Variants in SEC23B observed in about 807,000 individuals in gnomAD.
SEC23B encodes the protein protein transport protein Sec23B.
A neutral mutation model predicts 104.3 loss-of-function variants in SEC23B; 77 were observed. The observed-to-expected ratio is 0.74, with a 90% CI of 0.61 to 0.89. The LOEUF (loss-of-function observed/expected upper bound fraction) is 0.89. Among genes scored for constraint, SEC23B ranks in the 40% least tolerant of loss-of-function variants. SEC23B has a pLI of 0.00. For missense variants in SEC23B, 885 were observed against 949.4 expected (o/e 0.93, Z 0.89); for synonymous variants, 338 against 332.5 (o/e 1.02, Z -0.18).
chr20:18,516,534 CTT>C (rs145877490), intron 4 of SEC23B, among the ~76,000 whole-genome samples: 1 of 142,730 alleles, frequency 7.0e-6, no homozygotes. Context: ...TTTTTGGGCT[CTT>C]TTTTTTTTCT....
At chr20:18,517,891 T>C (rs2148891221) in intron 4 of SEC23B, among the ~76,000 whole-genome samples, 1 of 152,352 alleles carries the variant, frequency 6.6e-6, no homozygotes, top group East Asian at 1.9e-4. Flanking sequence ...GGACTAAGAA[T>C]TGGGAGGACC....
intron 18 of SEC23B, among the ~76,000 whole-genome samples, chr20:18,554,832 A>AAAG (rs1353341612): frequency 1.3e-5 from 2 of 151,900 alleles, no homozygotes; most frequent in Non-Finnish European, 2.9e-5. Flanking sequence ...GTCTCAAAAA[A>AAAG]AAAAAAAAAA....
At chr20:18,554,703 T>A (rs2060419525) in intron 18 of SEC23B, among the ~76,000 whole-genome samples, 1 of 151,952 alleles carries the variant, frequency 6.6e-6, no homozygotes, top group Admixed American at 6.6e-5. Flanking sequence ...GGCGGGCACC[T>A]GTAGTCCCAG....
chr20:18,517,982 G>A (rs1235317202), intron 4 of SEC23B, among the ~76,000 whole-genome samples: 2 of 152,274 alleles, frequency 1.3e-5, no homozygotes, highest in East Asian at 3.9e-4. Flanking sequence ...CTCTATTCTT[G>A]ACAGAGTCCT....
At chr20:18,510,682 C>T in intron 1 of SEC23B, 140 bp from the exon 2 acceptor site, 1 of 689,346 alleles carries the variant, frequency 1.5e-6, no homozygotes. Context: ...AGGAGAATCG[C>T]TTGAACCCGG....
In SEC23B at chr20:18,543,076, T is replaced by G; in HGVS notation, c.1569T>G (p.Ala523=). The G allele has an allele frequency of 6.2e-7, 1 of 1,614,150 alleles. No individual in the cohort carries two copies. Among genetic ancestry groups the G allele is most frequent in the East Asian group, 2.2e-5 (1 of 44,880 alleles). ...RHIEAAFDQE[A]AAVLMARLGV... ...TAGAAGCAGCATTTGACCAGGAGGC[T>G]GCGGCAGTGTTGATGGCACGGCTTG... Residue 523 remains alanine (A), a synonymous_variant, in exon 14 of 20, where the codon GCT becomes GCG. Coordinates refer to ENST00000650089, the MANE Select transcript of SEC23B (RefSeq NM_006363.6).
At chr20:18,546,089 A>C (rs2060329130) in intron 15 of SEC23B, 56 bp downstream of exon 15, 3 of 1,011,620 alleles carry the variant, frequency 3.0e-6, no homozygotes, top group Non-Finnish European at 4.7e-6. Flanking sequence ...GATAGAAATT[A>C]ACTTTATTCT....
intron 6 of SEC23B, among the ~76,000 whole-genome samples, chr20:18,525,344 G>GCTAA (rs2060124777): frequency 6.6e-6 from 1 of 152,186 alleles, no homozygotes; most frequent in Non-Finnish European, 1.5e-5. Context: ...CCTAGACTGA[G>GCTAA]CTAACAAGCT....
chr20:18,542,489 T>A, intron 13 of SEC23B, 87 bp downstream of exon 13: 1 of 1,258,750 alleles, frequency 7.9e-7, no homozygotes, highest in East Asian at 2.3e-5. Flanking sequence ...AGTTTGTCTT[T>A]TTGATTCCAT....
intron 16 of SEC23B, 103 bp from the exon 17 acceptor site, chr20:18,550,986 C>T (rs2060382207): frequency 1.3e-6 from 1 of 779,516 alleles, no homozygotes; most frequent in Non-Finnish European, 2.3e-6. Flanking sequence ...TTGTAAATAG[C>T]CTTTGCTGTG....
chr20:18,513,926 C>T lies in SEC23B; in HGVS notation c.279+1644C>T, dbSNP rs116037685. On this transcript the variant is annotated intron_variant, in intron 3 of 19. Coordinates refer to ENST00000650089, the MANE Select transcript of SEC23B (RefSeq NM_006363.6). ...TGGGTAGGTCACTTAACTGCCTGTG[C>T]CTCAACTTCCTTGTCTTTAAAATTA... 3.4e-3 allele frequency among the ~76,000 whole-genome samples: 516 copies of T among 152,278 alleles called. 2 individuals carry two copies. The highest frequency in any genetic ancestry group is 0.012 in the African/African-American group (484 of 41,542).
chr20:18,512,191 T>G, intron 2 of SEC23B, 34 bp from the exon 3 acceptor site: 1 of 1,307,440 alleles, frequency 7.6e-7, no homozygotes, highest in Non-Finnish European at 1.1e-6. Flanking sequence ...AAAATAAAAG[T>G]GGTACCTACT....
intron 18 of SEC23B, among the ~76,000 whole-genome samples, chr20:18,554,846 G>A (rs563507498): frequency 2.7e-5 from 4 of 150,752 alleles, no homozygotes; most frequent in African/African-American, 9.7e-5. Context: ...AAAAAAATGA[G>A]TGGTCAAAAT....
intron 19 of SEC23B, among the ~76,000 whole-genome samples, chr20:18,556,218 C>T (rs1393722800): frequency 6.6e-6 from 1 of 152,124 alleles, no homozygotes; most frequent in Non-Finnish European, 1.5e-5. Context: ...GGCCTGGTTC[C>T]TAACAGGCCA....
At chr20:18,546,647 T>G (rs2060335457) in intron 15 of SEC23B, among the ~76,000 whole-genome samples, 1 of 152,176 alleles carries the variant, frequency 6.6e-6, no homozygotes, top group South Asian at 2.1e-4. Flanking sequence ...GTATTAAATA[T>G]TTAGCACAAT....
intron 19 of SEC23B, among the ~76,000 whole-genome samples, chr20:18,557,391 C>G (rs1433153915): frequency 6.6e-6 from 1 of 152,126 alleles, no homozygotes; most frequent in Non-Finnish European, 1.5e-5. Context: ...CCTCCCACCT[C>G]AGCCTCCCAA....
At chr20:18,519,445 T>C (rs1225447520) in intron 4 of SEC23B, among the ~76,000 whole-genome samples, 1 of 152,218 alleles carries the variant, frequency 6.6e-6, no homozygotes, top group African/African-American at 2.4e-5. Context: ...TTTGAGGGTC[T>C]CTAAAAGTAT....
rs538999266 is a variant in SEC23B, at chr20:18,525,085, G to C, written c.689+65G>C. The C allele has an allele frequency of 4.5e-5, 60 of 1,343,394 alleles. No individual in the cohort carries two copies. In the African/African-American group the frequency reaches 8.0e-4, roughly 18 times the overall value. The allele number at this position is 1,343,394 out of a possible 1,614,324, so 83.2% of individuals were successfully genotyped here. A position where few individuals can be genotyped will look rare whatever the true frequency, so the allele number is the denominator to read the frequency against. ...ACATGCAGATGATCCATGGGAGTAA[G>C]GGAAGAAAAATATTAGAATTTGTAT... On this transcript the variant is annotated intron_variant, in intron 6 of 19. Coordinates refer to ENST00000650089, the MANE Select transcript of SEC23B (RefSeq NM_006363.6).
Position 18,512,252 on chromosome 20 carries a change from G to A in SEC23B, c.249G>A (p.Trp83Ter), listed in dbSNP as rs1413836890. The change falls in exon 3 of 20, where the codon TGG becomes TGA. Residue 83 changes from tryptophan (W) to a stop codon, truncating the protein, a stop_gained. Coordinates refer to ENST00000650089, the MANE Select transcript of SEC23B (RefSeq NM_006363.6). LOFTEE classifies it high-confidence loss of function. Reference sequence around the variant, plus strand: ...AGGTTGATTATCGAGCAAAACTTTGGGCCTGTAATTTCTGTTTTCAAAGAA... The same window carrying A: ...AGGTTGATTATCGAGCAAAACTTTGAGCCTGTAATTTCTGTTTTCAAAGAA... ...LCQVDYRAKL[W>*]ACNFCFQRNQ... The A allele has an allele frequency of 1.3e-6, 2 of 1,591,932 alleles. No individual in the cohort carries two copies. Among genetic ancestry groups the A allele is most frequent in the Non-Finnish European group, 1.7e-6 (2 of 1,163,308 alleles).
Sources: allele counts gnomAD v4.1 joint callset (sites outside exome capture counted in the v4.1 genomes callset), GRCh38; gene constraint gnomAD v4.1.1; transcripts MANE v1.5; gene names NCBI Gene and HGNC (gene_info 2026-07-23, HGNC 2026-07-21).